Variants in KPNB1 observed in about 807,000 individuals in gnomAD.
KPNB1 encodes the protein importin subunit beta-1.
KPNB1 carries 7 observed loss-of-function variants against 113.0 expected under a neutral mutation model. That is an observed-to-expected ratio of 0.06 (90% CI 0.04 to 0.12). The LOEUF is 0.12. KPNB1 is among the 10% of genes least tolerant of loss of function. KPNB1 has a pLI of 1.00. For synonymous variants in KPNB1, 363 were observed against 378.6 expected (o/e 0.96, Z 0.48); for missense variants, 400 against 1,054.8 (o/e 0.38, Z 8.60).
intron 12 of KPNB1, among the ~76,000 whole-genome samples, 159 bp downstream of exon 12, chr17:47,670,991 C>T (rs1436195288): frequency 6.6e-6 from 1 of 152,240 alleles, no homozygotes; most frequent in Non-Finnish European, 1.5e-5. Flanking sequence ...CGCGGTGGCT[C>T]ACGCCTATAT....
intron 5 of KPNB1, among the ~76,000 whole-genome samples, chr17:47,659,120 G>A (rs1044911233): frequency 6.6e-6 from 1 of 152,030 alleles, no homozygotes; most frequent in Non-Finnish European, 1.5e-5. Context: ...AGGCTGAGGC[G>A]GGTGGATCAT....
chr17:47,651,439 A>G, intron 2 of KPNB1: 1 of 710,846 alleles, frequency 1.4e-6, no homozygotes, highest in African/African-American at 1.9e-5. Flanking sequence ...TATAGGCAAA[A>G]TGTCAACATC....
intron 9 of KPNB1, among the ~76,000 whole-genome samples, chr17:47,667,480 C>G (rs1313413556): frequency 6.6e-6 from 1 of 151,516 alleles, no homozygotes. Flanking sequence ...AGTCATGAAA[C>G]TCCCTTACTT....
rs1672099664 is a variant in KPNB1, at chr17:47,683,155, T to C, written c.*751T>C. The C allele has an allele frequency of 7.0e-6, 1 of 142,548 alleles. No individual in the cohort carries two copies. The highest frequency in any genetic ancestry group is 2.3e-4 in the South Asian group (1 of 4,266). The allele number at this position is 142,548 out of a possible 1,614,324, so 8.8% of individuals were successfully genotyped here. A position where few individuals can be genotyped will look rare whatever the true frequency, so the allele number is the denominator to read the frequency against. Reference sequence around the variant, plus strand: ...GAGGAAAGACGCTCTTTAGGTTTTGTTTTGTTTTTTTTTTTTGGTTTTGTT... The same window carrying C: ...GAGGAAAGACGCTCTTTAGGTTTTGCTTTGTTTTTTTTTTTTGGTTTTGTT... On this transcript the variant is annotated 3_prime_UTR_variant, in exon 22 of 22. Coordinates refer to ENST00000290158, the MANE Select transcript of KPNB1 (RefSeq NM_002265.6).
intron 19 of KPNB1, 42 bp from the exon 20 acceptor site, chr17:47,679,978 T>G: frequency 7.4e-5 from 99 of 1,346,548 alleles, no homozygotes; most frequent in Non-Finnish European, 9.7e-5. Flanking sequence ...TTTACAGGCA[T>G]GAGCCACCGC....
At chr17:47,672,697 G>A (rs1175332851) in intron 12 of KPNB1, among the ~76,000 whole-genome samples, 1 of 152,170 alleles carries the variant, frequency 6.6e-6, no homozygotes, top group Non-Finnish European at 1.5e-5. Flanking sequence ...CAGGAAAATT[G>A]GGGTATTTTC....
Position 47,649,980 on chromosome 17 carries a change from G to C in KPNB1, c.-265G>C. The C allele has an allele frequency of 1.1e-5, 15 of 1,308,396 alleles. No homozygotes were observed. Among genetic ancestry groups the C allele is most frequent in the Non-Finnish European group, 1.5e-5 (15 of 1,031,976 alleles). The allele number at this position is 1,308,396 out of a possible 1,614,324, so 81.0% of individuals were successfully genotyped here. On this transcript the variant is annotated 5_prime_UTR_variant, in exon 1 of 22. Coordinates refer to ENST00000290158, the MANE Select transcript of KPNB1 (RefSeq NM_002265.6). ...TTCCTTCTTTCTCCCTCCGCCTCCCGAGCACCAGCGCGCTCTGAGCTGCCC... is the reference window on the plus strand; with the variant it reads ...TTCCTTCTTTCTCCCTCCGCCTCCCCAGCACCAGCGCGCTCTGAGCTGCCC...
intron 7 of KPNB1, 136 bp from the exon 8 acceptor site, chr17:47,664,023 A>T: frequency 1.7e-6 from 1 of 591,018 alleles, no homozygotes. Flanking sequence ...TTCTTTTCCT[A>T]TCTTTTCTTT....
chr17:47,678,220 A>C, intron 18 of KPNB1, 31 bp downstream of exon 18: 2 of 1,577,134 alleles, frequency 1.3e-6, no homozygotes, highest in Non-Finnish European at 1.7e-6. Context: ...GCTGTTCTTT[A>C]AGTCTAGCTC....
chr17:47,676,828 T>TTTA (rs1555619349), intron 16 of KPNB1, among the ~76,000 whole-genome samples, 192 bp from the exon 17 acceptor site: 31 of 150,690 alleles, frequency 2.1e-4, no homozygotes, highest in East Asian at 3.9e-4. Flanking sequence ...TTTTTTTTTT[T>TTTA]AACTTTATCA....
chr17:47,668,049 G>A, intron 9 of KPNB1, 137 bp from the exon 10 acceptor site: 1 of 647,096 alleles, frequency 1.5e-6, no homozygotes, highest in Non-Finnish European at 2.6e-6. Context: ...GTTTGTGGAA[G>A]AGACAAAATA....
At chr17:47,652,364 A>G (rs1236508971) in intron 2 of KPNB1, among the ~76,000 whole-genome samples, 1 of 152,228 alleles carries the variant, frequency 6.6e-6, no homozygotes, top group Non-Finnish European at 1.5e-5. Context: ...AAGACTGACT[A>G]CTACTACCAT....
rs562787862 is a variant in KPNB1 at position 47,652,588 on chromosome 17, G to A, written c.100-106G>A. On this transcript the variant is annotated intron_variant, in intron 2 of 21. Coordinates refer to ENST00000290158, the MANE Select transcript of KPNB1 (RefSeq NM_002265.6). ...TATATCAAAAAAAAATTAGACATTAGTTCCCCCCCTCGCCGCCCCTCTGGT... is the reference window on the plus strand; with the variant it reads ...TATATCAAAAAAAAATTAGACATTAATTCCCCCCCTCGCCGCCCCTCTGGT... 1.2e-4 allele frequency: 96 copies of A among 793,268 alleles called. No homozygotes were observed. The African/African-American group carries it at 1.6e-3, about 13-fold the overall frequency. The allele number at this position is 793,268 out of a possible 1,614,324, so 49.1% of individuals were successfully genotyped here.
rs552011386 is a variant in KPNB1, at chr17:47,651,028, G to T, written c.99+584G>T. 1.1e-4 allele frequency among the ~76,000 whole-genome samples: 16 copies of T among 151,950 alleles called. No individual in the cohort carries two copies. The South Asian group carries it at 2.7e-3, about 26-fold the overall frequency. On this transcript the variant is annotated intron_variant, in intron 2 of 21. Coordinates refer to ENST00000290158, the MANE Select transcript of KPNB1 (RefSeq NM_002265.6). ...TTTGCTCGGTTATTCCTCTCTTGGG[G>T]TTTTTTCTTTTTCTTTCTTTCTTTT... is the stretch of plus-strand genomic sequence containing the variant.
intron 3 of KPNB1, among the ~76,000 whole-genome samples, chr17:47,653,205 T>C (rs938346835): frequency 4.6e-5 from 7 of 151,962 alleles, no homozygotes; most frequent in Admixed American, 3.9e-4. Flanking sequence ...TTAGGGAATT[T>C]GTTAATAGGT....
At position 47,657,037 on chromosome 17, in the gene KPNB1, A is replaced by G; in HGVS notation, c.460A>G (p.Ile154Val). 6.2e-7 allele frequency: 1 copy of G among 1,614,146 alleles called. No homozygotes were observed. The highest frequency in any genetic ancestry group is 2.2e-5 in the East Asian group (1 of 44,882). The change falls in exon 4 of 22, where the codon ATC (isoleucine) becomes GTC (valine). Residue 154 changes from isoleucine (I) to valine (V), a missense_variant. Around this residue, in one of 2 missense-constraint regions of KPNB1, gnomAD observed 285 missense variants for 627.0 expected, o/e 0.45. Transcript: ENST00000290158. ...EHMKESTLEA[I>V]GYICQDIDPE... ...CATGAAGGAGTCGACATTGGAAGCC[A>G]TCGGTTATATTTGCCAAGATATAGT...
rs1224910896 is a variant in KPNB1, at chr17:47,677,080, A to G, written c.2056A>G (p.Ile686Val). 6.2e-7 allele frequency: 1 copy of G among 1,613,946 alleles called. No individual in the cohort carries two copies. Among genetic ancestry groups the G allele is most frequent in the Non-Finnish European group, 8.5e-7 (1 of 1,180,030 alleles). The change falls in exon 17 of 22, where the codon ATA becomes GTA. Residue 686 changes from isoleucine (I) to valine (V), a missense_variant. By Grantham distance (29) the Ile-to-Val change is conservative. Transcript: ENST00000290158. ...DLCRALQSNI[I>V]PFCDEVMQLL... ...GTGCCGTGCCCTGCAATCCAACATCATACCTTTCTGTGACGAGGTGATGCA... is the reference window on the plus strand; with the variant it reads ...GTGCCGTGCCCTGCAATCCAACATCGTACCTTTCTGTGACGAGGTGATGCA...
chr17:47,668,699 G>A (rs2030361613), intron 10 of KPNB1, among the ~76,000 whole-genome samples: 1 of 152,070 alleles, frequency 6.6e-6, no homozygotes, highest in Admixed American at 6.6e-5. Flanking sequence ...TTTCCTATGT[G>A]CATGTGTGTG....
Position 47,668,223 on chromosome 17 carries a change from A to G in KPNB1, c.1037A>G (p.Lys346Arg). Residue 346 changes from lysine (K) to arginine (R), a missense_variant, in exon 10 of 22, where the codon AAA becomes AGA. By Grantham distance (26) the Lys-to-Arg change is conservative. Coordinates refer to ENST00000290158, the MANE Select transcript of KPNB1 (RefSeq NM_002265.6). Reference protein sequence around the residue: ...NDDDDDWNPCKAAGVCLMLLA... With the variant: ...NDDDDDWNPCRAAGVCLMLLA... ...GATGACGATGACTGGAACCCCTGCA[A>G]AGCAGCAGGGGTGTGCCTCATGCTT... The G allele has an allele frequency of 6.2e-7, 1 of 1,614,004 alleles. No individual in the cohort carries two copies. Among genetic ancestry groups the G allele is most frequent in the South Asian group, 1.1e-5 (1 of 91,074 alleles).
Sources: gnomAD v4.1 joint callset for allele counts (sites outside exome capture counted in the v4.1 genomes callset) on GRCh38, gnomAD v4.1.1 for gene constraint, gnomAD v4.1.1 regional missense constraint, MANE v1.5 for transcripts, NCBI Gene and HGNC (gene_info 2026-07-23, HGNC 2026-07-21) for gene names.